The following EDRF1 variants were observed in gnomAD, a reference collection of about 807,000 sequenced individuals.
EDRF1 encodes the protein erythroid differentiation regulatory factor 1, also known as erythroid differentiation-related factor 1.
EDRF1 carries 69 observed loss-of-function variants against 148.7 expected under a neutral mutation model. That is an observed-to-expected ratio of 0.46 (90% CI 0.38 to 0.57). The LOEUF is 0.57. EDRF1 is among the 20% of genes least tolerant of loss of function. EDRF1 has a pLI of 0.00. For missense variants in EDRF1, 1,118 were observed against 1,478.7 expected, an observed-to-expected ratio of 0.76 and a Z score of 4.00; for synonymous variants, 515 against 532.8, an observed-to-expected ratio of 0.97 and a Z score of 0.46.
Position 125,733,442 on chromosome 10 carries a change from G to A in EDRF1, c.1167G>A (p.Leu389=). The A allele has an allele frequency of 6.3e-7, 1 of 1,590,542 alleles. No individual in the cohort carries two copies. The highest frequency in any genetic ancestry group is 2.2e-5 in the East Asian group (1 of 44,586). The change falls in exon 10 of 25, where the codon TTG becomes TTA. Residue 389 remains leucine, a synonymous_variant. Coordinates refer to ENST00000356792, the MANE Select transcript of EDRF1 (RefSeq NM_001202438.2). The part of the protein sequence containing the change: ...EMIKTEEIPN[L]ENSNFSTKVI... The stretch of plus-strand genomic sequence containing the variant: ...TAAAGACAGAAGAAATTCCCAATTT[G>A]GAAAATTCTAATTTTTCTACTAAAG...
At chr10:125,730,442 G>T (rs1416214482) in intron 9 of EDRF1, 43 bp downstream of exon 9, 1 of 1,505,754 alleles carries the variant, frequency 6.6e-7, no homozygotes, top group Admixed American at 1.7e-5. Context: ...AATGCAAATT[G>T]GTACAGAGAG....
intron 2 of EDRF1, among the ~76,000 whole-genome samples, chr10:125,722,195 G>A (rs1016472633): frequency 3.3e-5 from 5 of 152,158 alleles, no homozygotes; most frequent in African/African-American, 1.2e-4. Flanking sequence ...TAAAAGAATG[G>A]CTTAATCAGT....
chr10:125,751,140 A>G (rs1849614759), intron 22 of EDRF1, among the ~76,000 whole-genome samples: 1 of 152,092 alleles, frequency 6.6e-6, no homozygotes, highest in African/African-American at 2.4e-5. Flanking sequence ...TCACTATGTT[A>G]TAAGCCCAGG....
At chr10:125,748,038 G>T in intron 21 of EDRF1, 26 bp downstream of exon 21, 1 of 1,613,582 alleles carries the variant, frequency 6.2e-7, no homozygotes, top group Non-Finnish European at 8.5e-7. Flanking sequence ...GTTAAGTACA[G>T]TGCCACATCA....
chr10:125,757,214 T>C (rs1341085519), intron 24 of EDRF1: 4 of 202,068 alleles, frequency 2.0e-5, no homozygotes, highest in Non-Finnish European at 4.1e-5. Flanking sequence ...TTTTCTGTGA[T>C]TCCATTTTAT....
intron 6 of EDRF1, among the ~76,000 whole-genome samples, chr10:125,726,955 G>A (rs182578263): frequency 1.3e-5 from 2 of 152,274 alleles, no homozygotes; most frequent in African/African-American, 4.8e-5. Flanking sequence ...TTGGAGAGTC[G>A]GGAATCTGTA....
intron 17 of EDRF1, chr10:125,742,535 A>G (rs1488026361): frequency 7.1e-6 from 7 of 985,262 alleles, no homozygotes; most frequent in Non-Finnish European, 8.4e-6. Context: ...TTCTCAAATA[A>G]TCATGTTTTA....
chr10:125,750,775 T>C (rs1276727105), intron 22 of EDRF1, among the ~76,000 whole-genome samples: 3 of 152,242 alleles, frequency 2.0e-5, no homozygotes, highest in Non-Finnish European at 2.9e-5. Flanking sequence ...AATTTTTTGC[T>C]GGCATATAAC....
intron 24 of EDRF1, chr10:125,757,036 ACTC>A (rs1045023446): frequency 2.4e-6 from 1 of 424,930 alleles, no homozygotes; most frequent in African/African-American, 2.1e-5. Context: ...TGGTCTCAAA[ACTC>A]CTGGGTCAAG....
chr10:125,731,003 T>A lies in EDRF1; in HGVS notation c.1128+604T>A, dbSNP rs151337320. On this transcript the variant is annotated intron_variant, in intron 9 of 24. Transcript: ENST00000356792. ...TAGAAAAACAACGCACACACTTAGT[T>A]GGGCATGGTGGTACATGTCTGTAGT... is the stretch of plus-strand genomic sequence containing the variant. Among the ~76,000 whole-genome samples the A allele has an allele frequency of 7.9e-5, 12 of 152,104 alleles. No individual in the cohort carries two copies. The East Asian group carries it at 1.7e-3, about 22-fold the overall frequency.
chr10:125,735,963 A>G (rs1257257487), intron 13 of EDRF1, 59 bp downstream of exon 13: 3 of 1,453,576 alleles, frequency 2.1e-6, no homozygotes, highest in African/African-American at 1.4e-5. Context: ...TTAATCGAAT[A>G]TAGTTAGCCT....
In EDRF1 at chr10:125,762,139, C is replaced by T. The variant is rs149505921; in HGVS notation, c.3546-1162C>T. Among the ~76,000 whole-genome samples the T allele has an allele frequency of 6.0e-3, 911 of 152,130 alleles. 6 individuals carry two copies. Among genetic ancestry groups the T allele is most frequent in the Non-Finnish European group, 7.4e-3 (503 of 68,008 alleles). ...GGGATCCTGTGGAGGAGGAATGGAG[C>T]CAGGAATAATAGAAAGGGGAACTCC... On this transcript the variant is annotated intron_variant, in intron 24 of 24. Coordinates refer to ENST00000356792, the MANE Select transcript of EDRF1 (RefSeq NM_001202438.2).
chr10:125,747,642 T>C lies in EDRF1; in HGVS notation c.2921T>C (p.Met974Thr), dbSNP rs1201567924. The C allele has an allele frequency of 1.2e-6, 2 of 1,614,196 alleles. No individual in the cohort carries two copies. The highest frequency in any genetic ancestry group is 2.2e-5 in the South Asian group (2 of 91,092). Residue 974 changes from methionine to threonine, a missense_variant, in exon 20 of 25, where the codon ATG becomes ACG. Physicochemically the swap from Met to Thr is moderately conservative, Grantham distance 81. This residue lies in a region of EDRF1 where 954 missense variants were observed against 1,241.4 expected (regional missense o/e 0.77). Transcript: ENST00000356792. ...GAATTGTCCACTACTTACTTTACTA[T>C]GGCAACTCTACAGCAAGATTATGCT... is the stretch of plus-strand genomic sequence containing the variant. The part of the protein sequence containing the change: ...NWELSTTYFT[M>T]ATLQQDYAPL...
At chr10:125,747,348 G>A (rs1038215691) in intron 19 of EDRF1, 188 bp from the exon 20 acceptor site, 9 of 689,616 alleles carry the variant, frequency 1.3e-5, no homozygotes, top group Non-Finnish European at 1.9e-5. Context: ...CAGTCTACTC[G>A]GAATAACTTT....
chr10:125,742,636 G>A (rs970551928), intron 17 of EDRF1: 2 of 985,098 alleles, frequency 2.0e-6, no homozygotes, highest in Non-Finnish European at 2.4e-6. Flanking sequence ...CCACTAGATG[G>A]CATTTTTAAT....
At position 125,762,195 on chromosome 10, in the gene EDRF1, C is replaced by T. The variant is rs566419760; in HGVS notation, c.3546-1106C>T. 1.8e-3 allele frequency among the ~76,000 whole-genome samples: 278 copies of T among 152,316 alleles called. 1 individual carries two copies. The highest frequency in any genetic ancestry group is 6.4e-3 in the African/African-American group (266 of 41,564). On this transcript the variant is annotated intron_variant, in intron 24 of 24. Coordinates refer to ENST00000356792, the MANE Select transcript of EDRF1 (RefSeq NM_001202438.2). ...AAGGGAGCTCTGCATGCTGGCTGCTCTGTGGCAGGCCTGACTGGCAAGCCC... is the reference window on the plus strand; with the variant it reads ...AAGGGAGCTCTGCATGCTGGCTGCTTTGTGGCAGGCCTGACTGGCAAGCCC...
rs774997397 is a variant in EDRF1 at position 125,738,334 on chromosome 10, G to A, written c.1870G>A (p.Asp624Asn). Residue 624 changes from aspartate (D) to asparagine (N), a missense_variant, in exon 15 of 25, where the codon GAC (aspartate) becomes AAC (asparagine). Physicochemically the swap from Asp to Asn is conservative, Grantham distance 23. Around this residue, in one of 3 missense-constraint regions of EDRF1, gnomAD observed 954 missense variants for 1,241.4 expected, o/e 0.77. Transcript: ENST00000356792. ...SVDSSIKKES[D>N]LPAADPSTPI... ...CGATAGCAGCATCAAAAAAGAAAGCGACCTTCCAGCAGCTGACCCCAGCAC... is the reference window on the plus strand; with the variant it reads ...CGATAGCAGCATCAAAAAAGAAAGCAACCTTCCAGCAGCTGACCCCAGCAC... The A allele has an allele frequency of 6.8e-6, 11 of 1,613,844 alleles. No homozygotes were observed. The highest frequency in any genetic ancestry group is 5.5e-5 in the South Asian group (5 of 91,078).
chr10:125,743,322 AATT>A lies in EDRF1; in HGVS notation c.2590+49_2590+51del, dbSNP rs371469979. On this transcript the variant is annotated intron_variant, in intron 18 of 24. Transcript: ENST00000356792. ...CTCTCTATTGCTTGTTCTCTCAGAA[AATT>A]ATGCTAATTTTGTATGAGTCAAGCA... The A allele has an allele frequency of 1.1e-5, 17 of 1,529,754 alleles. No homozygotes were observed. In the African/African-American group the frequency reaches 2.3e-4, roughly 21 times the overall value. 94.8% of individuals were successfully genotyped at this position (1,529,754 alleles called of 1,614,324 possible).
At chr10:125,753,212 A>G (rs540108518) in intron 23 of EDRF1, among the ~76,000 whole-genome samples, 4 of 152,176 alleles carry the variant, frequency 2.6e-5, no homozygotes, top group Non-Finnish European at 4.4e-5. Context: ...GTTTTGTTTT[A>G]TGTTTTAAAA....
Sources: allele counts gnomAD v4.1 joint callset (sites outside exome capture counted in the v4.1 genomes callset), GRCh38; gene constraint gnomAD v4.1.1; regional missense constraint gnomAD v4.1.1; transcripts MANE v1.5; gene names NCBI Gene and HGNC (gene_info 2026-07-23, HGNC 2026-07-21).